PHF20L1: variants seen among roughly 807,000 people sequenced by gnomAD.
PHF20L1 encodes the protein PHD finger protein 20 like 1, also known as PHD finger protein 20-like protein 1.
In PHF20L1, 44 loss-of-function variants were observed where a neutral mutation model predicts 125.5. The ratio of observed to expected loss-of-function variants is 0.35; its 90% CI spans 0.28 to 0.45. The LOEUF (loss-of-function observed/expected upper bound fraction) is 0.45, where lower values mean the gene tolerates loss of function less well. PHF20L1 is among the 20% of genes least tolerant of loss of function. PHF20L1 has a pLI of 1.00. For missense variants in PHF20L1, 1,012 were observed against 1,217.2 expected (o/e 0.83, Z 2.51); for synonymous variants, 380 against 403.1 (o/e 0.94, Z 0.69).
At chr8:132,800,887 A>G (rs1278805722) in intron 6 of PHF20L1, among the ~76,000 whole-genome samples, 2 of 151,516 alleles carry the variant, frequency 1.3e-5, no homozygotes, top group Non-Finnish European at 3.0e-5. Flanking sequence ...TCTCACTGGG[A>G]AAGAAGGTAA....
At chr8:132,841,222 T>A (rs76578676) in intron 18 of PHF20L1, among the ~76,000 whole-genome samples, 2,714 of 152,196 alleles carry the variant, frequency 0.018, 80 homozygotes, top group African/African-American at 0.061. Context: ...CTACACGTCA[T>A]GTGCTTTCAT....
At chr8:132,811,290 A>G (rs999911262) in intron 9 of PHF20L1, 162 bp downstream of exon 9, 135 of 1,393,820 alleles carry the variant, frequency 9.7e-5, no homozygotes, top group Non-Finnish European at 1.2e-4. Context: ...AGGTATACAG[A>G]TAACTACAGA....
chr8:132,815,973 A>C (rs912256861), intron 10 of PHF20L1: 1 of 151,832 alleles, frequency 6.6e-6, no homozygotes, highest in Admixed American at 6.6e-5. Context: ...ATAGCAATTA[A>C]ATTTTATTCT....
chr8:132,821,110 G>A (rs1270684409), intron 12 of PHF20L1, among the ~76,000 whole-genome samples: 1 of 151,910 alleles, frequency 6.6e-6, no homozygotes, highest in Non-Finnish European at 1.5e-5. Flanking sequence ...CAGGTCCCCT[G>A]AGTTTTCGGG....
intron 6 of PHF20L1, among the ~76,000 whole-genome samples, chr8:132,802,501 C>T (rs542012134): frequency 1.3e-5 from 2 of 151,740 alleles, no homozygotes; most frequent in South Asian, 2.1e-4. Context: ...CATCTCCTGT[C>T]GCAGCTTATA....
chr8:132,837,854 G>A, intron 17 of PHF20L1, 43 bp downstream of exon 17: 1 of 1,333,022 alleles, frequency 7.5e-7, no homozygotes, highest in Non-Finnish European at 1.1e-6. Flanking sequence ...ATGCCTCTAT[G>A]TCTCCTCCAG....
chr8:132,819,310 G>A (rs1341380497), intron 12 of PHF20L1, among the ~76,000 whole-genome samples: 1 of 151,832 alleles, frequency 6.6e-6, no homozygotes, highest in Non-Finnish European at 1.5e-5. Context: ...TAGTACAGTA[G>A]CTGTCAACTT....
chr8:132,839,594 G>A lies in PHF20L1; in HGVS notation c.2387+12G>A, dbSNP rs1291034274. The A allele has an allele frequency of 6.3e-7, 1 of 1,598,686 alleles. No homozygotes were observed. Among genetic ancestry groups the A allele is most frequent in the Non-Finnish European group, 8.6e-7 (1 of 1,166,762 alleles). Reference sequence around the variant, plus strand: ...ATTGGAATACTAAAGTAAGTGAAGGGCAGCAAAGGGAGGGTCACACTTCAG... The same window carrying A: ...ATTGGAATACTAAAGTAAGTGAAGGACAGCAAAGGGAGGGTCACACTTCAG... On this transcript the variant is annotated intron_variant, in intron 18 of 20. Coordinates refer to ENST00000395386, the MANE Select transcript of PHF20L1 (RefSeq NM_016018.5).
At chr8:132,820,538 T>C (rs1187095643) in intron 12 of PHF20L1, among the ~76,000 whole-genome samples, 1 of 151,868 alleles carries the variant, frequency 6.6e-6, no homozygotes, top group Non-Finnish European at 1.5e-5. Flanking sequence ...TACTCTTGGG[T>C]GTAAAGGAAC....
At chr8:132,777,948 A>G in intron 2 of PHF20L1, 37 bp downstream of exon 2, 2 of 1,218,136 alleles carry the variant, frequency 1.6e-6, no homozygotes, top group South Asian at 1.2e-5. Context: ...AAATATCACA[A>G]TATCTGTAGC....
At chr8:132,834,771 C>T (rs1200803489) in intron 15 of PHF20L1, among the ~76,000 whole-genome samples, 1 of 151,740 alleles carries the variant, frequency 6.6e-6, no homozygotes, top group Admixed American at 6.6e-5. Context: ...TCTTTAGGTT[C>T]TTTTAAAACA....
At chr8:132,806,770 C>G (rs917491559) in intron 8 of PHF20L1, 4 of 151,964 alleles carry the variant, frequency 2.6e-5, no homozygotes, top group African/African-American at 4.8e-5. Flanking sequence ...TTAAATTCAT[C>G]AAGCTCATCT....
At chr8:132,842,367 T>C (rs572367727) in intron 18 of PHF20L1, 148 bp from the exon 19 acceptor site, 2 of 553,268 alleles carry the variant, frequency 3.6e-6, no homozygotes, top group East Asian at 6.0e-5. Flanking sequence ...GATGAAATCA[T>C]GGAGGGAGTT....
chr8:132,836,372 T>G (rs1378126597), intron 15 of PHF20L1, 168 bp from the exon 16 acceptor site: 1 of 504,440 alleles, frequency 2.0e-6, no homozygotes, highest in African/African-American at 1.9e-5. Context: ...TTCAAAAATC[T>G]TTTGTTTCCA....
At chr8:132,806,421 G>T (rs1833712627) in intron 8 of PHF20L1, 1 of 151,952 alleles carries the variant, frequency 6.6e-6, no homozygotes, top group African/African-American at 2.4e-5. Context: ...TCCACGGTGG[G>T]ATTTTCTCTT....
In PHF20L1 at chr8:132,839,638, C is replaced by G. The variant is rs1471691169; in HGVS notation, c.2387+56C>G. 3 of 1,263,736 alleles carry G rather than the reference C, an allele frequency of 2.4e-6. No homozygotes were observed. The South Asian group carries it at 3.8e-5, about 16-fold the overall frequency. 78.3% of individuals were successfully genotyped at this position (1,263,736 alleles called of 1,614,324 possible). A position where few individuals can be genotyped will look rare whatever the true frequency, so the allele number is the denominator to read the frequency against. ...ACTTCAGTGGACGTTTTAATTCAAACCAACACTGTTGGCCTTTTGATGGTC... is the reference window on the plus strand; with the variant it reads ...ACTTCAGTGGACGTTTTAATTCAAAGCAACACTGTTGGCCTTTTGATGGTC... On this transcript the variant is annotated intron_variant, in intron 18 of 20. Coordinates refer to ENST00000395386, the MANE Select transcript of PHF20L1 (RefSeq NM_016018.5).
At chr8:132,828,071 A>G (rs943285619) in intron 14 of PHF20L1, among the ~76,000 whole-genome samples, 1 of 152,060 alleles carries the variant, frequency 6.6e-6, no homozygotes, top group Non-Finnish European at 1.5e-5. Context: ...AGTAACTTTG[A>G]AATTTTAAAG....
intron 18 of PHF20L1, among the ~76,000 whole-genome samples, chr8:132,839,998 G>T (rs1257699482): frequency 6.6e-6 from 1 of 152,054 alleles, no homozygotes; most frequent in African/African-American, 2.4e-5. Context: ...GATGAAGGGA[G>T]CCTACAAACC....
intron 1 of PHF20L1, among the ~76,000 whole-genome samples, chr8:132,777,321 C>G (rs915149109): frequency 2.6e-5 from 4 of 152,070 alleles, no homozygotes; most frequent in African/African-American, 9.7e-5. Context: ...AGGGCCTTAT[C>G]TAGTGTTTTG....
Sources: allele counts gnomAD v4.1 joint callset (sites outside exome capture counted in the v4.1 genomes callset), GRCh38; gene constraint gnomAD v4.1.1; transcripts MANE v1.5; gene names NCBI Gene and HGNC (gene_info 2026-07-23, HGNC 2026-07-21).